The following STIM1 variants were observed in gnomAD, a reference collection of about 807,000 sequenced individuals.
The protein encoded by STIM1 is stromal interaction molecule 1.
Under a neutral mutation model 74.7 loss-of-function variants are expected in STIM1, and 25 were observed. That is an observed-to-expected ratio of 0.33 (90% CI 0.24 to 0.47). The LOEUF is 0.47. Among genes scored for constraint, STIM1 ranks in the 20% least tolerant of loss-of-function variants. STIM1 has a pLI of 1.00. For missense variants in STIM1, 728 were observed against 920.8 expected (o/e 0.79, Z 2.71); for synonymous variants, 328 against 348.8 (o/e 0.94, Z 0.66).
intron 2 of STIM1, among the ~76,000 whole-genome samples, chr11:4,000,339 T>C (rs2093703173): frequency 6.6e-6 from 1 of 150,924 alleles, no homozygotes; most frequent in African/African-American, 2.4e-5. Context: ...CACCCCCCAG[T>C]AGGGGCAGAC....
intron 2 of STIM1, among the ~76,000 whole-genome samples, chr11:4,014,967 T>G (rs2093881145): frequency 6.6e-6 from 1 of 152,256 alleles, no homozygotes; most frequent in Non-Finnish European, 1.5e-5. Context: ...ATGGGTCTCC[T>G]GAATACAGCT....
intron 1 of STIM1, among the ~76,000 whole-genome samples, chr11:3,884,927 A>G (rs949049382): frequency 2.6e-5 from 4 of 152,254 alleles, no homozygotes; most frequent in Non-Finnish European, 4.4e-5. Flanking sequence ...TTCCATTTAC[A>G]TGAAATGTCC....
In STIM1 at chr11:3,856,129, C is replaced by A; in HGVS notation, c.-142C>A. The A allele has an allele frequency of 9.1e-7, 1 of 1,093,596 alleles. No individual in the cohort carries two copies. Among genetic ancestry groups the A allele is most frequent in the Non-Finnish European group, 1.4e-6 (1 of 736,186 alleles). The allele number at this position is 1,093,596 out of a possible 1,614,324, so 67.7% of individuals were successfully genotyped here. A position where few individuals can be genotyped will look rare whatever the true frequency, so the allele number is the denominator to read the frequency against. ...CTTGACCTTTGGCTGTTGGAGGGGG[C>A]AGGCTCGCGGGTGGCTGGACAGCTG... On this transcript the variant is annotated 5_prime_UTR_variant, in exon 1 of 13. Transcript: ENST00000526596.
Position 4,074,556 on chromosome 11 carries a change from G to T in STIM1, c.846G>T (p.Leu282=). ...HRTVEVEKVH[L]EKKLRDEINL... ...CAGTGGAGGTGGAGAAGGTCCATCT[G>T]GAAAAGAAGCTGCGCGATGAGATCA... The change falls in exon 7 of 13, where the codon CTG becomes CTT. Residue 282 remains leucine, a synonymous_variant. Coordinates refer to ENST00000526596, the MANE Select transcript of STIM1 (RefSeq NM_001382567.1). 6.2e-7 allele frequency: 1 copy of T among 1,614,144 alleles called. No individual in the cohort carries two copies. The highest frequency in any genetic ancestry group is 1.3e-5 in the African/African-American group (1 of 75,054).
chr11:4,079,573 CA>C (rs200195849), intron 7 of STIM1, among the ~76,000 whole-genome samples: 3 of 146,504 alleles, frequency 2.0e-5, no homozygotes, highest in Admixed American at 6.8e-5. Context: ...GACTCCATCT[CA>C]AAAAAAAAAT....
intron 2 of STIM1, among the ~76,000 whole-genome samples, chr11:4,010,107 G>T (rs1458278191): frequency 6.6e-6 from 1 of 151,808 alleles, no homozygotes; most frequent in African/African-American, 2.4e-5. Flanking sequence ...GAGCCATGGA[G>T]CCCAACCTGT....
chr11:3,921,624 C>G (rs981272679), intron 1 of STIM1, among the ~76,000 whole-genome samples: 3 of 152,068 alleles, frequency 2.0e-5, no homozygotes, highest in Non-Finnish European at 4.4e-5. Context: ...TCCACAAATT[C>G]TTTGATACTC....
rs200418690 is a variant in STIM1, at chr11:3,858,253, T to G, written c.139+1844T>G. ...GGAAGGTTTTTTTTTTTTTGTTTTT[T>G]GTTTTTCGCCTGAAGTAAAAGGCAT... On this transcript the variant is annotated intron_variant, in intron 1 of 12. Coordinates refer to ENST00000526596, the MANE Select transcript of STIM1 (RefSeq NM_001382567.1). Among the ~76,000 whole-genome samples, 361 of 149,306 alleles carry G rather than the reference T, an allele frequency of 2.4e-3. 2 individuals carry two copies. The highest frequency in any genetic ancestry group is 6.8e-3 in the South Asian group (32 of 4,704).
chr11:3,888,909 C>T (rs1845969334), intron 1 of STIM1, among the ~76,000 whole-genome samples: 1 of 151,886 alleles, frequency 6.6e-6, no homozygotes, highest in African/African-American at 2.4e-5. Context: ...TTGTGTTTTT[C>T]TTGTCATCTT....
intron 1 of STIM1, among the ~76,000 whole-genome samples, chr11:3,895,636 TTC>T (rs60574260): frequency 0.25 from 2,879 of 11,574 alleles, 315 homozygotes; most frequent in African/African-American, 0.34. Flanking sequence ...CTTTCTTTCT[TTC>T]TTTCTTTCTT....
At chr11:3,904,703 G>C (rs1265657364) in intron 1 of STIM1, among the ~76,000 whole-genome samples, 1 of 152,102 alleles carries the variant, frequency 6.6e-6, no homozygotes, top group African/African-American at 2.4e-5. Context: ...ATTGTGTGAC[G>C]GAAGGATGAA....
intron 1 of STIM1, among the ~76,000 whole-genome samples, chr11:3,961,888 G>C (rs1476073888): frequency 6.6e-6 from 1 of 152,166 alleles, no homozygotes; most frequent in Non-Finnish European, 1.5e-5. Context: ...TTGTCCTTTG[G>C]AAGCCTTCAT....
chr11:3,942,257 A>G (rs2093020649), intron 1 of STIM1, among the ~76,000 whole-genome samples: 1 of 152,226 alleles, frequency 6.6e-6, no homozygotes, highest in Admixed American at 6.5e-5. Context: ...TGAGCTGTGC[A>G]GAGAAGCACT....
intron 1 of STIM1, among the ~76,000 whole-genome samples, chr11:3,905,277 G>C (rs2092446359): frequency 6.6e-6 from 1 of 151,858 alleles, no homozygotes; most frequent in Non-Finnish European, 1.5e-5. Flanking sequence ...CAAAGATGTA[G>C]AACAAAAGAC....
At chr11:3,927,081 C>A (rs986623933) in intron 1 of STIM1, among the ~76,000 whole-genome samples, 1 of 152,212 alleles carries the variant, frequency 6.6e-6, no homozygotes, top group Non-Finnish European at 1.5e-5. Context: ...GGCATACTAT[C>A]TAGCACATAT....
intron 9 of STIM1, 121 bp from the exon 10 acceptor site, chr11:4,083,142 T>C: frequency 8.0e-7 from 1 of 1,250,694 alleles, no homozygotes; most frequent in Non-Finnish European, 1.2e-6. Flanking sequence ...CTCTTAAGTT[T>C]GAGTTTATTG....
chr11:4,079,868 C>G (rs2094456212), intron 7 of STIM1, among the ~76,000 whole-genome samples: 1 of 151,986 alleles, frequency 6.6e-6, no homozygotes, highest in African/African-American at 2.4e-5. Context: ...CCCAGGCAAA[C>G]CCCCCCAGAT....
At chr11:3,863,143 C>T (rs141581030) in intron 1 of STIM1, among the ~76,000 whole-genome samples, 1 of 152,104 alleles carries the variant, frequency 6.6e-6, no homozygotes, top group Non-Finnish European at 1.5e-5. Flanking sequence ...ATCCACCTGT[C>T]TCAGCCTCCC....
intron 1 of STIM1, among the ~76,000 whole-genome samples, chr11:3,908,970 G>A (rs1305979305): frequency 1.3e-5 from 2 of 152,150 alleles, no homozygotes; most frequent in Non-Finnish European, 2.9e-5. Context: ...AGAAAGTGAG[G>A]GGGGTTTTAT....
Sources: gnomAD v4.1 joint callset for allele counts (sites outside exome capture counted in the v4.1 genomes callset) on GRCh38, gnomAD v4.1.1 for gene constraint, MANE v1.5 for transcripts, NCBI Gene and HGNC (gene_info 2026-07-23, HGNC 2026-07-21) for gene names.